H6PD: variants seen among roughly 807,000 people sequenced by gnomAD.
H6PD encodes the protein hexose-6-phosphate dehydrogenase/glucose 1-dehydrogenase, also known as GDH/6PGL endoplasmic bifunctional protein.
Under a neutral mutation model 61.2 loss-of-function variants are expected in H6PD, and 48 were observed. That is an observed-to-expected ratio of 0.78 (90% confidence interval 0.62 to 1.00). H6PD has a LOEUF of 1.00. Among genes scored for constraint, H6PD ranks in the 50% least tolerant of loss-of-function variants. The pLI is 0.00. For synonymous variants in H6PD, 480 were observed against 457.9 expected (o/e 1.05, Z -0.62); for missense variants, 1,093 against 1,065.0 (o/e 1.03, Z -0.37).
intron 3 of H6PD, among the ~76,000 whole-genome samples, chr1:9,259,997 A>G (rs1320680765): frequency 1.3e-5 from 2 of 149,158 alleles, no homozygotes; most frequent in Non-Finnish European, 3.0e-5. Context: ...CACTGGTATT[A>G]TGTTACTGTT....
At chr1:9,239,896 C>T in intron 1 of H6PD, 5 of 779,496 alleles carry the variant, frequency 6.4e-6, no homozygotes, top group Non-Finnish European at 8.7e-6. Context: ...TCTGCTGTGC[C>T]GGGTCTGTAT....
chr1:9,257,922 T>C (rs1641569833), intron 3 of H6PD, among the ~76,000 whole-genome samples: 1 of 152,276 alleles, frequency 6.6e-6, no homozygotes, highest in African/African-American at 2.4e-5. Context: ...CCCTGATCTC[T>C]GGGACTGTCC....
chr1:9,260,834 C>T (rs925438478), intron 3 of H6PD, among the ~76,000 whole-genome samples: 3 of 151,088 alleles, frequency 2.0e-5, no homozygotes, highest in African/African-American at 4.9e-5. Context: ...TGGACATCTG[C>T]GCCTGGGGGT....
Position 9,260,102 on chromosome 1 carries a change from G to A in H6PD, c.746-1957G>A, listed in dbSNP as rs527412498. Reference sequence around the variant, plus strand: ...ACGTTGCTGTTGTTACGCCGGTGTCGTTATGTTGTTACGCCAGTGTTGTTA... The same window carrying A: ...ACGTTGCTGTTGTTACGCCGGTGTCATTATGTTGTTACGCCAGTGTTGTTA... On this transcript the variant is annotated intron_variant, in intron 3 of 4. Transcript: ENST00000377403. Among the ~76,000 whole-genome samples, 12 of 150,128 alleles carry A rather than the reference G, an allele frequency of 8.0e-5. 1 individual carries two copies. Among genetic ancestry groups the A allele is most frequent in the Admixed American group, 5.3e-4 (8 of 15,132 alleles).
chr1:9,241,372 C>T (rs1250932888), intron 1 of H6PD, among the ~76,000 whole-genome samples: 1 of 150,910 alleles, frequency 6.6e-6, no homozygotes, highest in Non-Finnish European at 1.5e-5. Context: ...AGGGCATCTC[C>T]CTGATTTAAT....
chr1:9,238,747 T>C (rs146274289), intron 1 of H6PD, among the ~76,000 whole-genome samples: 3 of 152,250 alleles, frequency 2.0e-5, no homozygotes, highest in Non-Finnish European at 4.4e-5. Flanking sequence ...GTCTGGAGTT[T>C]AGGGGAAGTT....
At chr1:9,237,895 TTGGATAC>T (rs1640895744) in intron 1 of H6PD, among the ~76,000 whole-genome samples, 1 of 152,192 alleles carries the variant, frequency 6.6e-6, no homozygotes, top group African/African-American at 2.4e-5. Context: ...AGGCCTTGTT[TTGGATAC>T]TGGAGGTACT....
At chr1:9,249,188 G>A (rs769658146) in intron 3 of H6PD, among the ~76,000 whole-genome samples, 2 of 152,122 alleles carry the variant, frequency 1.3e-5, no homozygotes, top group Non-Finnish European at 2.9e-5. Context: ...GTTACCTGTT[G>A]GTACTGTTGC....
At chr1:9,237,687 C>A (rs545114203) in intron 1 of H6PD, among the ~76,000 whole-genome samples, 6 of 152,200 alleles carry the variant, frequency 3.9e-5, no homozygotes, top group Admixed American at 3.9e-4. Context: ...TTAAATACTC[C>A]ATAAATAGCT....
At chr1:9,237,236 C>CTCTTTTTTTTT (rs1419535641) in intron 1 of H6PD, among the ~76,000 whole-genome samples, 8 of 71,084 alleles carry the variant, frequency 1.1e-4, no homozygotes, top group African/African-American at 4.0e-4. Context: ...TTTGACTTCT[C>CTCTTTTTTTTT]TTTTTTTTTT....
chr1:9,263,418 C>T (rs561670704), intron 4 of H6PD, 91 bp from the exon 5 acceptor site: 31 of 1,256,398 alleles, frequency 2.5e-5, no homozygotes, highest in Middle Eastern at 2.3e-4. Flanking sequence ...GGCAGGGGGA[C>T]GCCCAGAGGA....
rs550891890 is a variant in H6PD at position 9,248,067 on chromosome 1, C to G, written c.745+984C>G. Among the ~76,000 whole-genome samples, 17 of 152,336 alleles carry G rather than the reference C, an allele frequency of 1.1e-4. No homozygotes were observed. The South Asian group carries it at 1.4e-3, about 13-fold the overall frequency. On this transcript the variant is annotated intron_variant, in intron 3 of 4. Transcript: ENST00000377403. ...TGATCCTGGGGGCAACAGTCTGGCC[C>G]CAGCACTCAGGCCTGGCGCCGCTGC...
chr1:9,239,236 G>A (rs1283094585), intron 1 of H6PD, among the ~76,000 whole-genome samples: 3 of 152,052 alleles, frequency 2.0e-5, no homozygotes, highest in South Asian at 2.1e-4. Context: ...TAGTAGAAAC[G>A]GGTTTTTGCC....
chr1:9,237,236 C>CTTTT lies in H6PD; in HGVS notation c.-11+2193_-11+2196dup, dbSNP rs370751354. On this transcript the variant is annotated intron_variant, in intron 1 of 4. Transcript: ENST00000377403. ...ACCTTTGGTAAGTTATTTGACTTCT[C>CTTTT]TTTTTTTTTTTTTTTTTTTTTTTTT... Among the ~76,000 whole-genome samples, 669 of 71,040 alleles carry CTTTT rather than the reference C, an allele frequency of 9.4e-3. 123 individuals carry two copies. Among genetic ancestry groups the CTTTT allele is most frequent in the African/African-American group, 0.013 (256 of 20,100 alleles). The allele number at this position is 71,040 out of a possible 152,430, so 46.6% of individuals were successfully genotyped here.
chr1:9,237,236 C>CTCTTTTTTTTTTTTTTT (rs1419535641), intron 1 of H6PD, among the ~76,000 whole-genome samples: 1 of 71,084 alleles, frequency 1.4e-5, no homozygotes, highest in African/African-American at 5.0e-5. Context: ...TTTGACTTCT[C>CTCTTTTTTTTTTTTTTT]TTTTTTTTTT....
chr1:9,244,820 C>T (rs1013619099), intron 1 of H6PD, 105 bp from the exon 2 acceptor site: 21 of 1,021,702 alleles, frequency 2.1e-5, no homozygotes, highest in African/African-American at 6.3e-5. Context: ...TTAAGAAACA[C>T]GTGGTGGTTT....
At chr1:9,258,493 A>G (rs1353941300) in intron 3 of H6PD, among the ~76,000 whole-genome samples, 2 of 151,200 alleles carry the variant, frequency 1.3e-5, no homozygotes, top group East Asian at 3.9e-4. Context: ...CACCATTGTT[A>G]TGCCGGTGTT....
At position 9,269,053 on chromosome 1, in the gene H6PD, A is replaced by AG. The variant is rs78711751; in HGVS notation, c.*4184_*4185insG. 30,956 of 152,148 alleles carry AG rather than the reference A, an allele frequency of 0.2. 3,472 individuals carry two copies. Among genetic ancestry groups the AG allele is most frequent in the Non-Finnish European group, 0.26 (17,674 of 67,978 alleles). The allele number at this position is 152,148 out of a possible 1,614,324, so 9.4% of individuals were successfully genotyped here. On this transcript the variant is annotated 3_prime_UTR_variant, in exon 5 of 5. Transcript: ENST00000377403. This position sits in a 1 kb window ranked among gnomAD's most constrained non-coding sequence, Gnocchi z 4.3. ...GAACTTACTCCACTGATTTAAAAAAAAAAAACTGCCTGGCAGCATCTCAGT... is the reference window on the plus strand; with the variant it reads ...GAACTTACTCCACTGATTTAAAAAAAGAAAAACTGCCTGGCAGCATCTCAGT...
Position 9,264,954 on chromosome 1 carries a change from A to C in H6PD, c.*85A>C. On this transcript the variant is annotated 3_prime_UTR_variant, in exon 5 of 5. Coordinates refer to ENST00000377403, the MANE Select transcript of H6PD (RefSeq NM_004285.4). ...CCCTTCTCGGCCCCGCCACCTGCCCAGCGTGCCCTGGCTCTCCAGAACCTT... is the reference window on the plus strand; with the variant it reads ...CCCTTCTCGGCCCCGCCACCTGCCCCGCGTGCCCTGGCTCTCCAGAACCTT... The C allele has an allele frequency of 6.8e-7, 1 of 1,465,646 alleles. No homozygotes were observed. Among genetic ancestry groups the C allele is most frequent in the Non-Finnish European group, 9.4e-7 (1 of 1,065,848 alleles). 90.8% of individuals were successfully genotyped at this position (1,465,646 alleles called of 1,614,324 possible). A position where few individuals can be genotyped will look rare whatever the true frequency, so the allele number is the denominator to read the frequency against.
Sources: gnomAD v4.1 joint callset for allele counts (sites outside exome capture counted in the v4.1 genomes callset) on GRCh38, gnomAD v4.1.1 for gene constraint, Gnocchi (gnomAD v3.1) non-coding constraint, MANE v1.5 for transcripts, NCBI Gene and HGNC (gene_info 2026-07-23, HGNC 2026-07-21) for gene names.